The following ZNF737 variants were observed in gnomAD, a reference collection of about 807,000 sequenced individuals.
ZNF737 encodes zinc finger protein 737.
ZNF737 carries 13 observed loss-of-function variants against 11.7 expected under a neutral mutation model. That is an observed-to-expected ratio of 1.11 (90% CI 0.73 to 1.77). ZNF737 has a LOEUF of 1.77. Ranked by LOEUF, ZNF737 falls within the 40% of genes most tolerant of loss-of-function variation. The pLI, the probability that ZNF737 is intolerant of heterozygous loss-of-function variation, is 0.00. For synonymous variants in ZNF737, 217 were observed against 216.2 expected (o/e 1.00, Z -0.03); for missense variants, 636 against 638.0 (o/e 1.00, Z 0.03).
downstream of ZNF737, among the ~76,000 whole-genome samples, chr19:20,536,376 C>G (rs376697523): frequency 6.6e-6 from 1 of 152,134 alleles, no homozygotes; most frequent in African/African-American, 2.4e-5. Context: ...ACATCAAATG[C>G]TAATTTTTAT....
At chr19:20,562,528 T>G (rs192100679) in intron 1 of ZNF737, among the ~76,000 whole-genome samples, 1 of 150,268 alleles carries the variant, frequency 6.7e-6, no homozygotes, top group African/African-American at 2.5e-5. Flanking sequence ...TTTTCTTTTT[T>G]TTTTTCTGTA....
In ZNF737 at chr19:20,539,542, G is replaced by T. The variant is rs955262354; in HGVS notation, c.*5050C>A. 8 of 984,380 alleles carry T rather than the reference G, an allele frequency of 8.1e-6. No homozygotes were observed. Among genetic ancestry groups the T allele is most frequent in the Non-Finnish European group, 9.6e-6 (8 of 829,164 alleles). 61.0% of individuals were successfully genotyped at this position (984,380 alleles called of 1,614,324 possible). A position where few individuals can be genotyped will look rare whatever the true frequency, so the allele number is the denominator to read the frequency against. On this transcript the variant is annotated 3_prime_UTR_variant, in exon 4 of 4. Coordinates refer to ENST00000427401, the MANE Select transcript of ZNF737 (RefSeq NM_001159293.2). ...TTCCATTTCAAATGTTTTCTCTAAT[G>T]TTACCTTGGTCATGTGAATCTAAAA...
intron 3 of ZNF737, among the ~76,000 whole-genome samples, chr19:20,552,072 A>G (rs1425424101): frequency 2.6e-5 from 4 of 151,972 alleles, no homozygotes; most frequent in Non-Finnish European, 4.4e-5. Context: ...AAAATAAACA[A>G]AAAAATTGGA....
At chr19:20,563,647 G>A (rs1188556289) in intron 1 of ZNF737, among the ~76,000 whole-genome samples, 2 of 151,506 alleles carry the variant, frequency 1.3e-5, no homozygotes, top group Non-Finnish European at 2.9e-5. Context: ...CACCACACCC[G>A]GCTAATTTTT....
rs1555757661 is a variant in ZNF737, at chr19:20,548,969, A to AAAAAAAC, written c.227-2994_227-2993insGTTTTTT. Among the ~76,000 whole-genome samples the AAAAAAAC allele has an allele frequency of 6.6e-4, 77 of 116,460 alleles. 1 individual carries two copies. The highest frequency in any genetic ancestry group is 2.4e-3 in the African/African-American group (73 of 30,336). 76.4% of individuals were successfully genotyped at this position (116,460 alleles called of 152,430 possible). Reference sequence around the variant, plus strand: ...TTTTTTTAAAGAAAAACTGAAAAAAAAAAAAAAAAAACAATTATGTATCTT... The same window carrying AAAAAAAC: ...TTTTTTTAAAGAAAAACTGAAAAAAAAAAAAACAAAAAAAAAAACAATTATGTATCTT... On this transcript the variant is annotated intron_variant, in intron 3 of 3. Transcript: ENST00000427401.
Position 20,545,740 on chromosome 19 carries a change from G to C in ZNF737, c.463C>G (p.His155Asp). The change falls in exon 4 of 4, where the codon CAT becomes GAT. Residue 155 changes from histidine (H) to aspartate (D), a missense_variant. His to Asp is a moderately conservative substitution (Grantham distance 81). Coordinates refer to ENST00000427401, the MANE Select transcript of ZNF737 (RefSeq NM_001159293.2). ...TGTCTGTTTGAATTTGAAAATTTATGAATGACTTTCACATATTTATCACAC... is the reference window on the plus strand; with the variant it reads ...TGTCTGTTTGAATTTGAAAATTTATCAATGACTTTCACATATTTATCACAC... ...FQCDKYVKVIHKFSNSNRHKI... is the reference protein window; with the variant it reads ...FQCDKYVKVIDKFSNSNRHKI... The C allele has an allele frequency of 2.5e-6, 4 of 1,612,802 alleles. No individual in the cohort carries two copies. The highest frequency in any genetic ancestry group is 3.4e-6 in the Non-Finnish European group (4 of 1,179,486).
chr19:20,565,207 T>C (rs1969250491), intron 1 of ZNF737, among the ~76,000 whole-genome samples: 1 of 152,148 alleles, frequency 6.6e-6, no homozygotes, highest in South Asian at 2.1e-4. Flanking sequence ...AGTGCTGGGA[T>C]TACAGGCGTG....
chr19:20,565,277 C>A (rs367639186), intron 1 of ZNF737, among the ~76,000 whole-genome samples: 40 of 152,286 alleles, frequency 2.6e-4, no homozygotes, highest in African/African-American at 9.1e-4. Flanking sequence ...GTGAACTCCA[C>A]GGACCAAAGC....
intron 1 of ZNF737, among the ~76,000 whole-genome samples, chr19:20,555,187 C>CT (rs111947599): frequency 0.31 from 41,719 of 135,642 alleles, 6,509 homozygotes; most frequent in East Asian, 0.57. Flanking sequence ...CTTTTCTTTT[C>CT]TTTTCTTTTT....
intron 3 of ZNF737, among the ~76,000 whole-genome samples, chr19:20,547,367 C>T (rs868983252): frequency 8.4e-5 from 11 of 130,474 alleles, no homozygotes; most frequent in Admixed American, 3.4e-4. Context: ...GGTGACACAG[C>T]GAGACTCCGT....
downstream of ZNF737, among the ~76,000 whole-genome samples, chr19:20,533,350 ACATT>A (rs1407401747): frequency 7.3e-5 from 11 of 149,854 alleles, no homozygotes; most frequent in Admixed American, 2.0e-4. Context: ...CAATACTTCC[ACATT>A]CAATGTCTTT....
chr19:20,553,402 G>C (rs1246330826), intron 2 of ZNF737, among the ~76,000 whole-genome samples: 1 of 152,084 alleles, frequency 6.6e-6, no homozygotes, highest in Non-Finnish European at 1.5e-5. Flanking sequence ...GGGATTACAG[G>C]CATGTGCCAC....
At chr19:20,553,426 T>G (rs2144662598) in intron 2 of ZNF737, among the ~76,000 whole-genome samples, 1 of 152,246 alleles carries the variant, frequency 6.6e-6, no homozygotes, top group South Asian at 2.1e-4. Context: ...GCCCGGCTAA[T>G]TTCTTGTACT....
intron 3 of ZNF737, among the ~76,000 whole-genome samples, chr19:20,548,978 A>AC (rs1343792051): frequency 7.9e-6 from 1 of 125,858 alleles, no homozygotes; most frequent in African/African-American, 3.0e-5. Context: ...AAAAAAAAAA[A>AC]AACAATTATG....
chr19:20,552,332 GAAAA>G, intron 3 of ZNF737, 139 bp downstream of exon 3: 16 of 336,274 alleles, frequency 4.8e-5, no homozygotes, highest in South Asian at 1.5e-4. Context: ...ATTTAAAAAA[GAAAA>G]AAAAAAAAAA....
At chr19:20,553,592 T>G (rs1358600638) in intron 2 of ZNF737, 117 bp downstream of exon 2, 12 of 1,116,072 alleles carry the variant, frequency 1.1e-5, no homozygotes, top group Non-Finnish European at 7.6e-6. Flanking sequence ...AAGATTTTCT[T>G]GAAAAAGTGG....
chr19:20,565,030 G>C (rs567719676), intron 1 of ZNF737, among the ~76,000 whole-genome samples: 2 of 151,032 alleles, frequency 1.3e-5, no homozygotes, highest in Non-Finnish European at 2.9e-5. Context: ...CACCTCCGGA[G>C]TTCAAGCGAT....
intron 1 of ZNF737, among the ~76,000 whole-genome samples, chr19:20,562,942 T>A (rs1236307230): frequency 2.6e-5 from 4 of 151,636 alleles, no homozygotes; most frequent in Non-Finnish European, 4.4e-5. Flanking sequence ...CCGTTTGCCA[T>A]TCACCTCCCA....
chr19:20,536,744 C>A (rs931879573), downstream of ZNF737, among the ~76,000 whole-genome samples: 81 of 152,186 alleles, frequency 5.3e-4, no homozygotes, highest in African/African-American at 1.9e-3. Flanking sequence ...CAGTTCAAGA[C>A]CAGCCTGGGC....
Sources: gnomAD v4.1 joint callset for allele counts (sites outside exome capture counted in the v4.1 genomes callset) on GRCh38, gnomAD v4.1.1 for gene constraint, MANE v1.5 for transcripts, NCBI Gene and HGNC (gene_info 2026-07-23, HGNC 2026-07-21) for gene names.